DNAJC1: variants seen among roughly 807,000 people sequenced by gnomAD.
DNAJC1 encodes DnaJ heat shock protein family (Hsp40) member C1.
A neutral mutation model predicts 76.6 loss-of-function variants in DNAJC1; 58 were observed. The observed-to-expected ratio is 0.76, with a 90% confidence interval of 0.61 to 0.94. The LOEUF (loss-of-function observed/expected upper bound fraction) is 0.94, where lower values mean the gene tolerates loss of function less well. Among genes scored for constraint, DNAJC1 ranks in the 40% least tolerant of loss-of-function variants. The pLI is 0.00. For missense variants in DNAJC1, 689 were observed against 677.3 expected, an observed-to-expected ratio of 1.02 and a Z score of -0.19; for synonymous variants, 258 against 267.9, an observed-to-expected ratio of 0.96 and a Z score of 0.36.
At chr10:21,818,023 A>T (rs1173587281) in intron 8 of DNAJC1, among the ~76,000 whole-genome samples, 1 of 152,252 alleles carries the variant, frequency 6.6e-6, no homozygotes, top group Non-Finnish European at 1.5e-5. Context: ...CCTTGAAAAA[A>T]GAACAGGATA....
chr10:21,928,526 C>T lies in DNAJC1; in HGVS notation c.351G>A (p.Lys117=). Residue 117 remains lysine, a synonymous_variant, in exon 3 of 12, where the codon AAG becomes AAA. Coordinates refer to ENST00000376980, the MANE Select transcript of DNAJC1 (RefSeq NM_022365.4). ...CTCACCTCTGCCTTCGTTCATCATCCTTTAAAACTTCATAAATGGCCACCA... is the reference window on the plus strand; with the variant it reads ...CTCACCTCTGCCTTCGTTCATCATCTTTTAAAACTTCATAAATGGCCACCA... ...RQLVAIYEVL[K]DDERRQRYDD... is the part of the protein sequence containing the mutation. 3.7e-6 allele frequency: 6 copies of T among 1,613,000 alleles called. No homozygotes were observed. Among genetic ancestry groups the T allele is most frequent in the Non-Finnish European group, 5.1e-6 (6 of 1,179,298 alleles).
chr10:21,787,551 A>G (rs941798926), intron 9 of DNAJC1, among the ~76,000 whole-genome samples: 1 of 152,206 alleles, frequency 6.6e-6, no homozygotes, highest in Non-Finnish European at 1.5e-5. Context: ...TTTAACAGAA[A>G]TAACCAAAGG....
At chr10:21,853,144 T>G (rs1835782545) in intron 8 of DNAJC1, among the ~76,000 whole-genome samples, 1 of 152,200 alleles carries the variant, frequency 6.6e-6, no homozygotes, top group Non-Finnish European at 1.5e-5. Context: ...ATTCAAAAAC[T>G]TCTACATTTT....
intron 9 of DNAJC1, among the ~76,000 whole-genome samples, chr10:21,805,043 GCTC>G (rs1298623385): frequency 6.6e-6 from 1 of 151,948 alleles, no homozygotes; most frequent in Non-Finnish European, 1.5e-5. Flanking sequence ...GCATTTATAA[GCTC>G]CTTTTGGTAG....
intron 8 of DNAJC1, among the ~76,000 whole-genome samples, chr10:21,863,159 A>G (rs763147287): frequency 6.6e-6 from 1 of 151,984 alleles, no homozygotes; most frequent in African/African-American, 2.4e-5. Context: ...CAAACAAAAA[A>G]CCCAGACTAA....
chr10:21,893,919 C>G (rs1836496958), intron 7 of DNAJC1, among the ~76,000 whole-genome samples: 1 of 151,852 alleles, frequency 6.6e-6, no homozygotes, highest in African/African-American at 2.4e-5. Context: ...ACTGGCGAAT[C>G]TGACAAAGGA....
At chr10:21,900,423 T>C (rs762019689) in intron 7 of DNAJC1, among the ~76,000 whole-genome samples, 19 of 152,210 alleles carry the variant, frequency 1.2e-4, no homozygotes, top group South Asian at 2.1e-4. Context: ...TATATTCAAT[T>C]GGATAAAAAT....
intron 8 of DNAJC1, among the ~76,000 whole-genome samples, chr10:21,825,083 T>C (rs1835225841): frequency 6.6e-6 from 1 of 152,132 alleles, no homozygotes; most frequent in South Asian, 2.1e-4. Context: ...GGCCAACTAT[T>C]TTAAAGTATA....
chr10:21,928,093 T>C (rs904136848), intron 3 of DNAJC1, among the ~76,000 whole-genome samples: 4 of 152,276 alleles, frequency 2.6e-5, no homozygotes, highest in Non-Finnish European at 5.9e-5. Context: ...AACTTGACTA[T>C]CACTACAGTC....
In DNAJC1 at chr10:21,815,752, C is replaced by CT. The variant is rs1282861016; in HGVS notation, c.979-9654dup. On this transcript the variant is annotated intron_variant, in intron 8 of 11. Transcript: ENST00000376980. ...TGAGGCAGAGGTCAAGGTTCATTTT[C>CT]TTTTTTTTTTTGAGACGGAGTTTCC... Among the ~76,000 whole-genome samples the CT allele has an allele frequency of 7.0e-3, 1,021 of 144,888 alleles. 12 individuals are homozygous for CT. The highest frequency in any genetic ancestry group is 0.023 in the African/African-American group (903 of 39,710).
intron 3 of DNAJC1, among the ~76,000 whole-genome samples, chr10:21,928,018 C>T (rs1837157248): frequency 6.6e-6 from 1 of 152,158 alleles, no homozygotes; most frequent in Admixed American, 6.5e-5. Context: ...CTTTCTTCTA[C>T]AGGCTTACAG....
intron 8 of DNAJC1, among the ~76,000 whole-genome samples, chr10:21,842,730 G>A (rs35923701): frequency 6.6e-6 from 1 of 152,194 alleles, no homozygotes; most frequent in Non-Finnish European, 1.5e-5. Context: ...TACAGTTTGT[G>A]AGAAAATTCC....
rs533437742 is a variant in DNAJC1 at position 21,880,819 on chromosome 10, T to C, written c.978+1463A>G. Among the ~76,000 whole-genome samples the C allele has an allele frequency of 4.6e-5, 7 of 152,354 alleles. No individual in the cohort carries two copies. The East Asian group carries it at 1.3e-3, about 29-fold the overall frequency. On this transcript the variant is annotated intron_variant, in intron 8 of 11. Transcript: ENST00000376980. ...TAAAGTTACCAGCTGCATTATTCCC[T>C]GACGAGAAAGTAAGCCTGTCTTTTG...
intron 3 of DNAJC1, among the ~76,000 whole-genome samples, chr10:21,924,936 G>C (rs1837101688): frequency 1.3e-5 from 2 of 152,094 alleles, no homozygotes; most frequent in African/African-American, 4.8e-5. Flanking sequence ...ACTTAGAAAA[G>C]GTACAGTAAA....
chr10:21,854,914 TA>T (rs746709885), intron 8 of DNAJC1, among the ~76,000 whole-genome samples: 62 of 152,294 alleles, frequency 4.1e-4, no homozygotes, highest in Non-Finnish European at 7.6e-4. Context: ...AGAATGGTTG[TA>T]AAGTTTCTCA....
chr10:21,775,256 T>C (rs1834439399), intron 9 of DNAJC1, among the ~76,000 whole-genome samples: 1 of 150,662 alleles, frequency 6.6e-6, no homozygotes, highest in South Asian at 2.1e-4. Context: ...CCAATGATAA[T>C]ATTCAAGTTA....
chr10:21,907,764 G>A (rs1836769890), intron 6 of DNAJC1, among the ~76,000 whole-genome samples: 1 of 150,950 alleles, frequency 6.6e-6, no homozygotes, highest in African/African-American at 2.4e-5. Flanking sequence ...ATCACTTGAG[G>A]GCAGGAGTTC....
intron 7 of DNAJC1, among the ~76,000 whole-genome samples, chr10:21,902,811 T>A (rs777371703): frequency 2.6e-5 from 4 of 152,140 alleles, no homozygotes; most frequent in African/African-American, 4.8e-5. Flanking sequence ...ACCAAAATTA[T>A]AATATTTTTT....
chr10:21,890,269 C>T (rs1245420575), intron 7 of DNAJC1, among the ~76,000 whole-genome samples: 1 of 151,712 alleles, frequency 6.6e-6, no homozygotes, highest in Non-Finnish European at 1.5e-5. Context: ...GAAAATTAGC[C>T]AGGTATGGTG....
Sources: allele counts gnomAD v4.1 joint callset (sites outside exome capture counted in the v4.1 genomes callset), GRCh38; gene constraint gnomAD v4.1.1; transcripts MANE v1.5; gene names NCBI Gene and HGNC (gene_info 2026-07-23, HGNC 2026-07-21).